The following GRIA4 variants were observed in gnomAD, a reference collection of about 807,000 sequenced individuals.
GRIA4 encodes the protein glutamate ionotropic receptor AMPA type subunit 4.
Under a neutral mutation model 104.0 loss-of-function variants are expected in GRIA4, and 34 were observed. The observed-to-expected ratio is 0.33, with a 90% CI of 0.25 to 0.44. GRIA4 has a LOEUF of 0.44. Ranked by LOEUF, GRIA4 falls within the 20% of genes least tolerant of loss-of-function variation. The probability of loss-of-function intolerance (pLI) is 1.00; values close to 1 mark genes in which losing one functional copy is unlikely to be tolerated. For synonymous variants in GRIA4, 386 were observed against 381.9 expected, an observed-to-expected ratio of 1.01 and a Z score of -0.13; for missense variants, 750 against 1,096.5, an observed-to-expected ratio of 0.68 and a Z score of 4.46.
At chr11:105,625,747 A>C (rs1950870912) in intron 3 of GRIA4, among the ~76,000 whole-genome samples, 1 of 152,074 alleles carries the variant, frequency 6.6e-6, no homozygotes, top group African/African-American at 2.4e-5. Flanking sequence ...TGTGGGTCTT[A>C]ATTATTCAGT....
chr11:105,979,674 G>C lies in GRIA4; in HGVS notation c.2644G>C (p.Val882Leu). The C allele has an allele frequency of 6.2e-7, 1 of 1,613,850 alleles. No homozygotes were observed. Among genetic ancestry groups the C allele is most frequent in the Non-Finnish European group, 8.5e-7 (1 of 1,179,702 alleles). The change falls in exon 17 of 17, where the codon GTA becomes CTA. Residue 882 changes from valine to leucine, a missense_variant. Around this residue, in one of 3 missense-constraint regions of GRIA4, gnomAD observed 68 missense variants for 69.3 expected, o/e 0.98. Coordinates refer to ENST00000282499, the MANE Select transcript of GRIA4 (RefSeq NM_000829.4). ...RVLTPDCPKA[V>L]HTGTAIRQSS... ...CTTGACGCCTGACTGCCCAAAGGCT[G>C]TACACACTGGAACTGCAATCAGACA... is the stretch of plus-strand genomic sequence containing the variant.
chr11:105,782,824 C>A (rs1249753984), intron 4 of GRIA4, among the ~76,000 whole-genome samples: 2 of 152,152 alleles, frequency 1.3e-5, no homozygotes, highest in Non-Finnish European at 2.9e-5. Flanking sequence ...AGGTCAAGGG[C>A]TTTGGGCTCA....
intron 3 of GRIA4, among the ~76,000 whole-genome samples, chr11:105,684,537 A>G (rs987701470): frequency 3.8e-5 from 1 of 26,624 alleles, no homozygotes; most frequent in Non-Finnish European, 1.4e-4. Context: ...AGGCAAATAT[A>G]TATATATACA....
intron 4 of GRIA4, among the ~76,000 whole-genome samples, chr11:105,860,017 G>A (rs985705574): frequency 1.3e-5 from 2 of 152,036 alleles, no homozygotes; most frequent in East Asian, 1.9e-4. Context: ...GTTTTGGGGC[G>A]GAGGATCTAG....
At chr11:105,923,608 C>A (rs1947627151) in intron 11 of GRIA4, among the ~76,000 whole-genome samples, 1 of 152,084 alleles carries the variant, frequency 6.6e-6, no homozygotes, top group Non-Finnish European at 1.5e-5. Flanking sequence ...ATGAGGTAAA[C>A]AGGGAAAAAG....
At chr11:105,954,545 A>T in intron 14 of GRIA4, among the ~76,000 whole-genome samples, 1 of 152,144 alleles carries the variant, frequency 6.6e-6, no homozygotes, top group East Asian at 1.9e-4. Flanking sequence ...AATAATCAAC[A>T]TTATGTATAT....
At chr11:105,856,671 A>AGTT (rs1168113912) in intron 4 of GRIA4, among the ~76,000 whole-genome samples, 2 of 152,162 alleles carry the variant, frequency 1.3e-5, no homozygotes, top group African/African-American at 4.8e-5. Context: ...AAGTAGTAGT[A>AGTT]GAGAACCACC....
At chr11:105,884,430 A>G (rs1455374227) in intron 5 of GRIA4, among the ~76,000 whole-genome samples, 1 of 152,238 alleles carries the variant, frequency 6.6e-6, no homozygotes, top group Non-Finnish European at 1.5e-5. Context: ...TTACACAATC[A>G]TTTAAAAATA....
intron 3 of GRIA4, among the ~76,000 whole-genome samples, chr11:105,676,895 G>A (rs1030267455): frequency 2.6e-5 from 4 of 151,716 alleles, no homozygotes; most frequent in African/African-American, 9.7e-5. Flanking sequence ...CTTCAAAAGT[G>A]TGTGTTACCA....
chr11:105,647,959 A>AAAATAAATAAAT (rs57841251), intron 3 of GRIA4, among the ~76,000 whole-genome samples: 1,694 of 147,924 alleles, frequency 0.011, 10 homozygotes, highest in African/African-American at 0.013. Flanking sequence ...CCCCTGTATG[A>AAAATAAATAAAT]AAATAAATAA....
intron 6 of GRIA4, among the ~76,000 whole-genome samples, chr11:105,890,213 G>C (rs1343489557): frequency 6.6e-6 from 1 of 152,086 alleles, no homozygotes; most frequent in Non-Finnish European, 1.5e-5. Flanking sequence ...TAAAAGTCAA[G>C]GACCTCCCTT....
At chr11:105,763,483 T>G (rs1940768503) in intron 4 of GRIA4, among the ~76,000 whole-genome samples, 1 of 152,208 alleles carries the variant, frequency 6.6e-6, no homozygotes, top group Admixed American at 6.5e-5. Context: ...ATTGAACTGA[T>G]GACAATAGCC....
At position 105,843,137 on chromosome 11, in the gene GRIA4, G is replaced by C. The variant is rs74339081; in HGVS notation, c.488-18887G>C. Reference sequence around the variant, plus strand: ...TCATTTGTTTGTTTTTAAGATCCTCGCTCTTCCAAGCGCTCTGCCTTGGGC... The same window carrying C: ...TCATTTGTTTGTTTTTAAGATCCTCCCTCTTCCAAGCGCTCTGCCTTGGGC... On this transcript the variant is annotated intron_variant, in intron 4 of 16. Coordinates refer to ENST00000282499, the MANE Select transcript of GRIA4 (RefSeq NM_000829.4). 2.5e-3 allele frequency among the ~76,000 whole-genome samples: 385 copies of C among 152,164 alleles called. 1 individual carries two copies. The highest frequency in any genetic ancestry group is 8.8e-3 in the African/African-American group (366 of 41,510).
intron 13 of GRIA4, among the ~76,000 whole-genome samples, chr11:105,932,086 CTT>C (rs1947894193): frequency 6.6e-6 from 1 of 151,976 alleles, no homozygotes; most frequent in Admixed American, 6.6e-5. Flanking sequence ...ATTGCAGCCC[CTT>C]GTTATTGAAA....
intron 13 of GRIA4, among the ~76,000 whole-genome samples, chr11:105,930,031 C>G (rs1006086632): frequency 1.3e-4 from 20 of 152,098 alleles, no homozygotes; most frequent in African/African-American, 4.8e-4. Context: ...TAAACAGACA[C>G]TACAGTTGAA....
At chr11:105,761,523 C>T (rs1940649483) in intron 4 of GRIA4, among the ~76,000 whole-genome samples, 1 of 152,102 alleles carries the variant, frequency 6.6e-6, no homozygotes, top group Admixed American at 6.6e-5. Context: ...TGCCCAAACT[C>T]ACATAGCCGT....
chr11:105,640,451 A>T (rs940986221), intron 3 of GRIA4, among the ~76,000 whole-genome samples: 8 of 151,916 alleles, frequency 5.3e-5, no homozygotes, highest in Non-Finnish European at 1.0e-4. Flanking sequence ...AAATGCACAT[A>T]CTAATTTTAC....
intron 3 of GRIA4, among the ~76,000 whole-genome samples, chr11:105,751,134 T>G (rs565903952): frequency 5.9e-4 from 90 of 152,326 alleles, no homozygotes; most frequent in African/African-American, 2.0e-3. Flanking sequence ...GATCTTAGGT[T>G]TGAATTCTAC....
intron 3 of GRIA4, among the ~76,000 whole-genome samples, chr11:105,700,131 G>A (rs1953434044): frequency 6.6e-6 from 1 of 152,196 alleles, no homozygotes; most frequent in South Asian, 2.1e-4. Context: ...TACACGAAGA[G>A]TGCACATAGG....
Sources: gnomAD v4.1 joint callset for allele counts (sites outside exome capture counted in the v4.1 genomes callset) on GRCh38, gnomAD v4.1.1 for gene constraint, gnomAD v4.1.1 regional missense constraint, MANE v1.5 for transcripts, NCBI Gene and HGNC (gene_info 2026-07-23, HGNC 2026-07-21) for gene names.